CFAP54: variants seen among roughly 807,000 people sequenced by gnomAD.
CFAP54 encodes the protein cilia- and flagella-associated protein 54.
A neutral mutation model predicts 370.4 loss-of-function variants in CFAP54; 290 were observed. That is an observed-to-expected ratio of 0.78 (90% CI 0.71 to 0.86). CFAP54 has a LOEUF of 0.86. CFAP54 is among the 40% of genes least tolerant of loss of function. CFAP54 has a pLI of 0.00. For missense variants in CFAP54, 3,399 were observed against 3,528.7 expected (o/e 0.96, Z 0.93); for synonymous variants, 1,206 against 1,236.5 (o/e 0.98, Z 0.52).
rs117115963 is a variant in CFAP54 at position 96,489,849 on chromosome 12, G to A, written c.240G>A (p.Gln80=). Residue 80 remains glutamine, a synonymous_variant, in exon 1 of 68, where the codon CAG becomes CAA. Transcript: ENST00000524981. ...TGGCCTCTTGTGAGAAGGAGATCCA[G>A]GAGTTGTTAGGCTTTATGAGGAAAA... is the stretch of plus-strand genomic sequence containing the variant. ...PLLASCEKEI[Q]ELLGFMRKKK... 0.029 allele frequency: 44,793 copies of A among 1,536,122 alleles called. 1,129 individuals are homozygous for A. The highest frequency in any genetic ancestry group is 0.12 in the South Asian group (10,155 of 84,062).
chr12:96,574,929 A>C (rs1342718125), intron 19 of CFAP54, among the ~76,000 whole-genome samples: 3 of 152,146 alleles, frequency 2.0e-5, no homozygotes, highest in Non-Finnish European at 2.9e-5. Context: ...GGAAACATTT[A>C]AAATGGCATA....
intron 5 of CFAP54, 93 bp downstream of exon 5, chr12:96,513,137 G>A (rs1955191610): frequency 2.2e-6 from 1 of 458,952 alleles, no homozygotes; most frequent in Non-Finnish European, 3.5e-6. Flanking sequence ...TGTTAAACAA[G>A]GAATATTTGG....
At chr12:96,763,066 G>A (rs11108685) in intron 58 of CFAP54, among the ~76,000 whole-genome samples, 58,966 of 151,942 alleles carry the variant, frequency 0.39, 11,694 homozygotes, top group Middle Eastern at 0.44. Flanking sequence ...ATTAGCACCC[G>A]TGGGGCTAAT....
chr12:96,722,508 C>T (rs559811086), intron 50 of CFAP54, among the ~76,000 whole-genome samples: 1 of 152,226 alleles, frequency 6.6e-6, no homozygotes, highest in South Asian at 2.1e-4. Context: ...CAAGGGAGAT[C>T]GGCAAAGAGG....
chr12:96,785,386 T>C (rs1370830759), intron 61 of CFAP54, among the ~76,000 whole-genome samples: 1 of 152,084 alleles, frequency 6.6e-6, no homozygotes, highest in Non-Finnish European at 1.5e-5. Flanking sequence ...CATTAGTCCC[T>C]CTTGTGATTG....
chr12:96,649,829 T>G (rs901964720), intron 34 of CFAP54, 62 bp from the exon 35 acceptor site: 3 of 1,096,544 alleles, frequency 2.7e-6, no homozygotes, highest in African/African-American at 3.2e-5. Flanking sequence ...TATCACCTAC[T>G]GTGTTTTCTG....
At chr12:96,797,934 A>C (rs1245992416) in intron 63 of CFAP54, among the ~76,000 whole-genome samples, 1 of 151,266 alleles carries the variant, frequency 6.6e-6, no homozygotes, top group African/African-American at 2.4e-5. Flanking sequence ...CTACTTTTGG[A>C]TTGATTTCTT....
At chr12:96,607,554 A>AT (rs1331164487) in intron 26 of CFAP54, among the ~76,000 whole-genome samples, 1 of 152,224 alleles carries the variant, frequency 6.6e-6, no homozygotes, top group Admixed American at 6.5e-5. Flanking sequence ...GAGGTGGTAA[A>AT]TGAATTCAAA....
chr12:96,491,385 C>T (rs767567943), intron 1 of CFAP54, among the ~76,000 whole-genome samples: 1 of 152,096 alleles, frequency 6.6e-6, no homozygotes, highest in Non-Finnish European at 1.5e-5. Flanking sequence ...CCAGGTGGAG[C>T]TACTATGTAG....
intron 48 of CFAP54, among the ~76,000 whole-genome samples, chr12:96,712,659 T>G (rs1957627641): frequency 6.6e-6 from 1 of 152,130 alleles, no homozygotes; most frequent in Admixed American, 6.6e-5. Flanking sequence ...ATTAATGAAT[T>G]TCTCTTCATC....
chr12:96,647,963 G>A lies in CFAP54; in HGVS notation c.4636G>A (p.Ala1546Thr), dbSNP rs1431760692. ...TRKLTVENYKAMLDFLLTAKK... is the reference protein window; with the variant it reads ...TRKLTVENYKTMLDFLLTAKK... ...AAAATTGACTGTAGAAAATTATAAA[G>A]CAATGCTTGATTTCCTTCTTACAGC... Residue 1546 changes from alanine to threonine, a missense_variant, in exon 34 of 68, where the codon GCA becomes ACA. Transcript: ENST00000524981. The A allele has an allele frequency of 2.0e-6, 3 of 1,523,000 alleles. No homozygotes were observed. Among genetic ancestry groups the A allele is most frequent in the Non-Finnish European group, 2.6e-6 (3 of 1,143,076 alleles). 94.3% of individuals were successfully genotyped at this position (1,523,000 alleles called of 1,614,324 possible).
intron 26 of CFAP54, among the ~76,000 whole-genome samples, chr12:96,617,682 ACTTTT>A (rs1260374128): frequency 6.6e-6 from 1 of 152,140 alleles, no homozygotes; most frequent in African/African-American, 2.4e-5. Context: ...TTCCAAGGTT[ACTTTT>A]CTTTAGAATA....
intron 59 of CFAP54, 60 bp from the exon 60 acceptor site, chr12:96,765,017 T>C: frequency 1.6e-6 from 2 of 1,228,076 alleles, no homozygotes; most frequent in Non-Finnish European, 2.1e-6. Flanking sequence ...ATTTACCTAA[T>C]AGATAATCTA....
intron 60 of CFAP54, among the ~76,000 whole-genome samples, chr12:96,781,858 T>C (rs1409004490): frequency 1.3e-5 from 2 of 152,146 alleles, no homozygotes; most frequent in African/African-American, 4.8e-5. Flanking sequence ...AAGGAAATTA[T>C]TTTAAGAGTT....
At chr12:96,809,230 C>T (rs961405207) in intron 63 of CFAP54, among the ~76,000 whole-genome samples, 12 of 151,244 alleles carry the variant, frequency 7.9e-5, no homozygotes, top group Non-Finnish European at 1.2e-4. Flanking sequence ...TAATATTCTT[C>T]AGTTCATGGC....
In CFAP54 at chr12:96,538,359, TTTACC is replaced by T; in HGVS notation, c.1792-22_1792-18del. On this transcript the variant is annotated intron_variant, in intron 12 of 67. Transcript: ENST00000524981. ...ACATGTATTTTATTATTCCTACTCA[TTTACC>T]TTCTCACTTTTGTTTTTAGGATGTT... The T allele has an allele frequency of 2.0e-6, 3 of 1,517,554 alleles. No homozygotes were observed. Among genetic ancestry groups the T allele is most frequent in the Non-Finnish European group, 2.7e-6 (3 of 1,131,190 alleles). 94.0% of individuals were successfully genotyped at this position (1,517,554 alleles called of 1,614,324 possible). A position where few individuals can be genotyped will look rare whatever the true frequency, so the allele number is the denominator to read the frequency against.
At chr12:96,799,298 T>G (rs1197497721) in intron 63 of CFAP54, among the ~76,000 whole-genome samples, 1 of 152,226 alleles carries the variant, frequency 6.6e-6, no homozygotes, top group Non-Finnish European at 1.5e-5. Flanking sequence ...TGCTGCTTTG[T>G]GTAAGAAGAG....
intron 48 of CFAP54, among the ~76,000 whole-genome samples, chr12:96,711,644 A>G (rs1322943967): frequency 6.6e-6 from 1 of 152,176 alleles, no homozygotes; most frequent in Non-Finnish European, 1.5e-5. Context: ...TTCTCACCAC[A>G]TTTTAGTAAG....
At chr12:96,777,437 C>A (rs1958529159) in intron 60 of CFAP54, among the ~76,000 whole-genome samples, 1 of 151,984 alleles carries the variant, frequency 6.6e-6, no homozygotes, top group South Asian at 2.1e-4. Context: ...GCAACCTCCG[C>A]CTCCCGGGTT....
Sources: allele counts gnomAD v4.1 joint callset (sites outside exome capture counted in the v4.1 genomes callset), GRCh38; gene constraint gnomAD v4.1.1; transcripts MANE v1.5; gene names NCBI Gene and HGNC (gene_info 2026-07-23, HGNC 2026-07-21).